The following ENOX1 variants were observed in gnomAD, a reference collection of about 807,000 sequenced individuals.
The protein encoded by ENOX1 is ecto-NOX disulfide-thiol exchanger 1.
In ENOX1, 42 loss-of-function variants were observed where a neutral mutation model predicts 82.5. The ratio of observed to expected loss-of-function variants is 0.51; its 90% CI spans 0.40 to 0.66. The LOEUF is 0.66. ENOX1 is among the 30% of genes least tolerant of loss of function. The pLI, the probability that ENOX1 is intolerant of heterozygous loss-of-function variation, is 0.00. For synonymous variants in ENOX1, 271 were observed against 282.2 expected, an observed-to-expected ratio of 0.96 and a Z score of 0.40; for missense variants, 608 against 811.6, an observed-to-expected ratio of 0.75 and a Z score of 3.05.
chr13:43,752,274 T>G (rs774433616), intron 1 of ENOX1, among the ~76,000 whole-genome samples: 2 of 152,194 alleles, frequency 1.3e-5, no homozygotes, highest in Non-Finnish European at 2.9e-5. Context: ...ATATTTTGAG[T>G]ATTTTATATA....
intron 3 of ENOX1, among the ~76,000 whole-genome samples, chr13:43,470,261 C>CATATATATACAT (rs2057943650): frequency 2.5e-5 from 1 of 40,764 alleles, no homozygotes; most frequent in Admixed American, 2.0e-4. Context: ...TATATATATA[C>CATATATATACAT]ATATATATAC....
At chr13:43,691,466 C>T (rs2086361379) in intron 1 of ENOX1, among the ~76,000 whole-genome samples, 1 of 152,044 alleles carries the variant, frequency 6.6e-6, no homozygotes, top group African/African-American at 2.4e-5. Context: ...ACAACAATTA[C>T]ACCATCTGAG....
chr13:43,611,985 A>C (rs572444252), intron 2 of ENOX1, among the ~76,000 whole-genome samples: 4 of 152,350 alleles, frequency 2.6e-5, no homozygotes, highest in African/African-American at 9.6e-5. Flanking sequence ...GTTGCAATTC[A>C]GCAGTTTTTT....
At chr13:43,356,610 T>C (rs1035100447) in intron 7 of ENOX1, among the ~76,000 whole-genome samples, 4 of 152,088 alleles carry the variant, frequency 2.6e-5, no homozygotes, top group African/African-American at 9.7e-5. Flanking sequence ...ATAAAGAGCA[T>C]CTATGATATT....
Position 43,530,665 on chromosome 13 carries a change from T to C in ENOX1, c.-218-46513A>G, listed in dbSNP as rs1254496372. Among the ~76,000 whole-genome samples, 3 of 152,234 alleles carry C rather than the reference T, an allele frequency of 2.0e-5. No homozygotes were observed. In the East Asian group the frequency reaches 5.8e-4, roughly 29 times the overall value. ...TAGCAACAATTGTATAAAACAAAAC[T>C]GTGTCTAAATTGAAAGTACCTCTGG... On this transcript the variant is annotated intron_variant, in intron 2 of 16. Transcript: ENST00000690772.
chr13:43,754,113 TAC>T (rs1950496825), intron 1 of ENOX1, among the ~76,000 whole-genome samples: 3 of 130,312 alleles, frequency 2.3e-5, no homozygotes, highest in South Asian at 2.2e-4. Flanking sequence ...CGTATATGTA[TAC>T]ATAAGTATAC....
chr13:43,649,133 CAATT>C (rs1182930204), intron 2 of ENOX1, among the ~76,000 whole-genome samples: 1 of 152,208 alleles, frequency 6.6e-6, no homozygotes, highest in African/African-American at 2.4e-5. Flanking sequence ...ACAGGCCACT[CAATT>C]CATTTATTGT....
At chr13:43,250,443 C>G (rs2043387265) in intron 14 of ENOX1, among the ~76,000 whole-genome samples, 1 of 152,208 alleles carries the variant, frequency 6.6e-6, no homozygotes, top group South Asian at 2.1e-4. Context: ...TTGTGCCTGT[C>G]ATGTGGACTT....
intron 1 of ENOX1, among the ~76,000 whole-genome samples, chr13:43,766,917 CAA>C (rs771881872): frequency 1.3e-5 from 2 of 151,900 alleles, no homozygotes; most frequent in African/African-American, 4.8e-5. Context: ...TCAGCTCACC[CAA>C]AGAGATTCAC....
At chr13:43,272,173 T>C (rs1013267769) in intron 12 of ENOX1, among the ~76,000 whole-genome samples, 1 of 152,150 alleles carries the variant, frequency 6.6e-6, no homozygotes, top group African/African-American at 2.4e-5. Context: ...GTATACACGT[T>C]ACTATTTTAT....
intron 2 of ENOX1, among the ~76,000 whole-genome samples, chr13:43,574,669 T>G (rs1378061216): frequency 6.6e-6 from 1 of 152,224 alleles, no homozygotes; most frequent in Non-Finnish European, 1.5e-5. Flanking sequence ...AACATACCAC[T>G]TTTGTTTTCC....
chr13:43,478,054 G>GTTTT (rs756717438), intron 3 of ENOX1, among the ~76,000 whole-genome samples: 1 of 100,450 alleles, frequency 1.0e-5, no homozygotes, highest in African/African-American at 4.0e-5. Context: ...AGCCAGAGAG[G>GTTTT]TTTTTTTTTT....
At chr13:43,243,724 C>G (rs1002715487) in intron 14 of ENOX1, among the ~76,000 whole-genome samples, 1 of 152,204 alleles carries the variant, frequency 6.6e-6, no homozygotes, top group Admixed American at 6.5e-5. Flanking sequence ...TCTCATCTAT[C>G]TCTGGTTAAA....
At chr13:43,482,763 T>G (rs1367716125) in intron 3 of ENOX1, among the ~76,000 whole-genome samples, 15 of 152,176 alleles carry the variant, frequency 9.9e-5, no homozygotes, top group Non-Finnish European at 1.8e-4. Flanking sequence ...GCTTGTAGAC[T>G]AGGGAGGAGC....
intron 2 of ENOX1, among the ~76,000 whole-genome samples, chr13:43,603,928 G>A (rs1273786373): frequency 3.8e-4 from 40 of 106,358 alleles, no homozygotes; most frequent in Non-Finnish European, 5.7e-4. Context: ...GGGTCAAATG[G>A]TATTTCTAGT....
intron 3 of ENOX1, among the ~76,000 whole-genome samples, chr13:43,429,244 C>T (rs2055516946): frequency 6.6e-6 from 1 of 152,142 alleles, no homozygotes; most frequent in Non-Finnish European, 1.5e-5. Context: ...AGGAATAAAA[C>T]ATTACTAGCA....
intron 2 of ENOX1, among the ~76,000 whole-genome samples, chr13:43,525,418 A>G (rs1362206589): frequency 1.3e-5 from 2 of 152,106 alleles, no homozygotes; most frequent in Admixed American, 6.6e-5. Context: ...CATCAACTCA[A>G]TTCAATTTTT....
chr13:43,282,657 C>A (rs1372364225), intron 12 of ENOX1, among the ~76,000 whole-genome samples: 2 of 151,862 alleles, frequency 1.3e-5, no homozygotes, highest in African/African-American at 2.4e-5. Context: ...CTCCTGGGCT[C>A]AAGGGATCTG....
rs1235934408 is a variant in ENOX1 at position 43,291,035 on chromosome 13, A to G, written c.1446+7311T>C. 2.0e-5 allele frequency among the ~76,000 whole-genome samples: 3 copies of G among 152,312 alleles called. No homozygotes were observed. In the East Asian group the frequency reaches 5.8e-4, roughly 29 times the overall value. ...GAGTGAGACTCCATCTCAAAAAAAT[A>G]AAAATAAAAGTTGAAAAAAATTTTT... On this transcript the variant is annotated intron_variant, in intron 12 of 16. Transcript: ENST00000690772.
Sources: gnomAD v4.1 joint callset for allele counts (sites outside exome capture counted in the v4.1 genomes callset) on GRCh38, gnomAD v4.1.1 for gene constraint, MANE v1.5 for transcripts, NCBI Gene and HGNC (gene_info 2026-07-23, HGNC 2026-07-21) for gene names.